MACROD2: variants seen among roughly 807,000 people sequenced by gnomAD.
The protein encoded by MACROD2 is ADP-ribose glycohydrolase MACROD2.
In MACROD2, 36 loss-of-function variants were observed where a neutral mutation model predicts 70.4. The ratio of observed to expected loss-of-function variants is 0.51; its 90% CI spans 0.39 to 0.68. The LOEUF (loss-of-function observed/expected upper bound fraction) is 0.68, where lower values mean the gene tolerates loss of function less well. Among genes scored for constraint, MACROD2 ranks in the 30% least tolerant of loss-of-function variants. The probability of loss-of-function intolerance (pLI) is 0.00; values close to 1 mark genes in which losing one functional copy is unlikely to be tolerated. For missense variants in MACROD2, 496 were observed against 538.4 expected (o/e 0.92, Z 0.78); for synonymous variants, 172 against 178.8 (o/e 0.96, Z 0.30).
intron 6 of MACROD2, among the ~76,000 whole-genome samples, chr20:15,422,605 G>C (rs2046244821): frequency 6.6e-6 from 1 of 152,178 alleles, no homozygotes; most frequent in South Asian, 2.1e-4. Context: ...TCTGAGCCCA[G>C]TGCTCAGCAC....
rs565192842 is a variant in MACROD2 at position 14,301,537 on chromosome 20, GA to G, written c.272-191936del. ...CCACTGAACAACAAAGATCAAGTAT[GA>G]AAAAATGTTCTTTTGAATTTCCCTA... On this transcript the variant is annotated intron_variant, in intron 3 of 17. Transcript: ENST00000684519. Among the ~76,000 whole-genome samples the G allele has an allele frequency of 1.3e-4, 20 of 152,216 alleles. No homozygotes were observed. In the East Asian group the frequency reaches 3.9e-3, roughly 29 times the overall value.
intron 3 of MACROD2, among the ~76,000 whole-genome samples, chr20:14,111,563 T>A (rs914702813): frequency 3.9e-5 from 6 of 151,990 alleles, no homozygotes; most frequent in Admixed American, 1.3e-4. Flanking sequence ...TGAATAGACA[T>A]TTCTCAAAAG....
intron 12 of MACROD2, among the ~76,000 whole-genome samples, chr20:15,949,339 C>A (rs553583792): frequency 1.3e-5 from 2 of 152,102 alleles, no homozygotes; most frequent in East Asian, 1.9e-4. Context: ...TCCTAACTAC[C>A]CCAGGTGGCA....
chr20:15,435,457 C>G (rs899138852), intron 7 of MACROD2, among the ~76,000 whole-genome samples: 1 of 151,784 alleles, frequency 6.6e-6, no homozygotes, highest in African/African-American at 2.4e-5. Context: ...TGTGAAATAC[C>G]AAACTGTTTT....
chr20:15,475,437 G>T (rs1490165335), intron 7 of MACROD2, among the ~76,000 whole-genome samples: 1 of 152,234 alleles, frequency 6.6e-6, no homozygotes, highest in Non-Finnish European at 1.5e-5. Flanking sequence ...AATGAAAGGT[G>T]GGGACAAATT....
chr20:14,772,488 A>G (rs1217181322), intron 5 of MACROD2, among the ~76,000 whole-genome samples: 1 of 152,052 alleles, frequency 6.6e-6, no homozygotes, highest in Non-Finnish European at 1.5e-5. Flanking sequence ...AGGCAAAGAG[A>G]GAGCTTGTGC....
intron 8 of MACROD2, among the ~76,000 whole-genome samples, chr20:15,643,326 C>T (rs193024487): frequency 6.6e-6 from 1 of 152,350 alleles, no homozygotes; most frequent in East Asian, 1.9e-4. Flanking sequence ...GTCACCTGGA[C>T]TGTTCTTCCT....
chr20:14,351,285 T>C (rs1452790375), intron 3 of MACROD2, among the ~76,000 whole-genome samples: 1 of 152,116 alleles, frequency 6.6e-6, no homozygotes, highest in African/African-American at 2.4e-5. Context: ...CTGTGAAGAT[T>C]GTCATTGGTG....
intron 8 of MACROD2, among the ~76,000 whole-genome samples, chr20:15,613,804 T>G: frequency 6.6e-6 from 1 of 152,154 alleles, no homozygotes; most frequent in East Asian, 1.9e-4. Flanking sequence ...GAAAAGAATG[T>G]AGGAGGGTGG....
chr20:14,510,420 A>G (rs2085016856), intron 4 of MACROD2, among the ~76,000 whole-genome samples: 1 of 152,094 alleles, frequency 6.6e-6, no homozygotes, highest in Admixed American at 6.6e-5. Context: ...AAAAGAGGAC[A>G]TTTATTTTTG....
intron 3 of MACROD2, among the ~76,000 whole-genome samples, chr20:14,391,277 A>G (rs1448146196): frequency 6.6e-6 from 1 of 152,206 alleles, no homozygotes; most frequent in East Asian, 1.9e-4. Context: ...TACATCATAG[A>G]ATACTATGCA....
chr20:14,246,410 G>A (rs564705527), intron 3 of MACROD2, among the ~76,000 whole-genome samples: 2 of 152,240 alleles, frequency 1.3e-5, no homozygotes, highest in East Asian at 1.9e-4. Flanking sequence ...ACTCTCCGCC[G>A]AGGAAATTCC....
At chr20:14,138,459 C>T (rs1027709175) in intron 3 of MACROD2, among the ~76,000 whole-genome samples, 1 of 151,850 alleles carries the variant, frequency 6.6e-6, no homozygotes, top group African/African-American at 2.4e-5. Context: ...TTATTTGTGA[C>T]AGTAGTGAAA....
intron 5 of MACROD2, among the ~76,000 whole-genome samples, chr20:15,168,104 G>A (rs993168148): frequency 1.3e-5 from 2 of 152,174 alleles, no homozygotes; most frequent in African/African-American, 2.4e-5. Flanking sequence ...ACCGTGGGGT[G>A]TGTAAGAGTG....
chr20:14,585,806 T>C (rs959222452), intron 4 of MACROD2, among the ~76,000 whole-genome samples: 1 of 152,200 alleles, frequency 6.6e-6, no homozygotes, highest in African/African-American at 2.4e-5. Flanking sequence ...AAAAGATTTA[T>C]GTTGATATTA....
chr20:14,606,725 G>A (rs1373209058), intron 4 of MACROD2, among the ~76,000 whole-genome samples: 1 of 152,066 alleles, frequency 6.6e-6, no homozygotes, highest in African/African-American at 2.4e-5. Flanking sequence ...TTTTTTGTGT[G>A]TGTGATTTGG....
intron 3 of MACROD2, among the ~76,000 whole-genome samples, chr20:14,126,517 T>G (rs892685898): frequency 1.3e-5 from 2 of 152,170 alleles, no homozygotes; most frequent in Non-Finnish European, 2.9e-5. Flanking sequence ...GGGTGTGTGT[T>G]TGTTAATTTT....
intron 6 of MACROD2, among the ~76,000 whole-genome samples, chr20:15,386,821 T>G: frequency 6.6e-6 from 1 of 152,260 alleles, no homozygotes; most frequent in Middle Eastern, 3.4e-3. Flanking sequence ...GAGTTAGAGC[T>G]GAACAAAATA....
chr20:16,002,604 G>A (rs1463154166), intron 15 of MACROD2, among the ~76,000 whole-genome samples: 2 of 152,134 alleles, frequency 1.3e-5, no homozygotes, highest in African/African-American at 4.8e-5. Flanking sequence ...GATGAAACAA[G>A]GAATACAGGT....
Sources: gnomAD v4.1 joint callset for allele counts (sites outside exome capture counted in the v4.1 genomes callset) on GRCh38, gnomAD v4.1.1 for gene constraint, MANE v1.5 for transcripts, NCBI Gene and HGNC (gene_info 2026-07-23, HGNC 2026-07-21) for gene names.